BCHE: variants seen among roughly 807,000 people sequenced by gnomAD.
The protein encoded by BCHE is butyrylcholinesterase.
Under a neutral mutation model 51.3 loss-of-function variants are expected in BCHE, and 48 were observed. The ratio of observed to expected loss-of-function variants is 0.94; its 90% confidence interval spans 0.74 to 1.19. The LOEUF (loss-of-function observed/expected upper bound fraction) is 1.19. Among genes scored for constraint, BCHE ranks in the 50% most tolerant of loss-of-function variants. The pLI, the probability that BCHE is intolerant of heterozygous loss-of-function variation, is 0.00. For synonymous variants in BCHE, 251 were observed against 238.0 expected, an observed-to-expected ratio of 1.05 and a Z score of -0.50; for missense variants, 847 against 708.2, an observed-to-expected ratio of 1.20 and a Z score of -2.23.
chr3:165,835,331 T>A (rs1438014599), intron 1 of BCHE, among the ~76,000 whole-genome samples: 4 of 151,990 alleles, frequency 2.6e-5, no homozygotes, highest in South Asian at 4.1e-4. Context: ...TTTTTTGGGA[T>A]ACTTGAATAT....
chr3:165,831,339 T>G (rs1351459394), intron 1 of BCHE, among the ~76,000 whole-genome samples: 1 of 152,172 alleles, frequency 6.6e-6, no homozygotes, highest in Non-Finnish European at 1.5e-5. Context: ...CCTAGCCAAA[T>G]TTAATGTTAC....
At chr3:165,805,446 T>A (rs181678586) in intron 2 of BCHE, among the ~76,000 whole-genome samples, 17 of 151,278 alleles carry the variant, frequency 1.1e-4, no homozygotes, top group Non-Finnish European at 1.9e-4. Context: ...TATAGGTTAC[T>A]AAAGGTTACT....
intron 2 of BCHE, among the ~76,000 whole-genome samples, chr3:165,815,509 C>G (rs1160975783): frequency 6.6e-6 from 1 of 152,018 alleles, no homozygotes; most frequent in Non-Finnish European, 1.5e-5. Flanking sequence ...TTGCTACAAC[C>G]ATGAAAGTGA....
Position 165,830,472 on chromosome 3 carries a change from G to A in BCHE, c.562C>T (p.Pro188Ser). Residue 188 changes from proline to serine, a missense_variant, in exon 2 of 4, where the codon CCT (proline) becomes TCT (serine). Coordinates refer to ENST00000264381, the MANE Select transcript of BCHE (RefSeq NM_000055.4). ...AAACCCATGTTCCCTGGAGCCTCAG[G>A]ATTTCCTGGCAAAGCTAAGAATCCT... ...ALGFLALPGN[P>S]EAPGNMGLFD... 2 of 1,613,676 alleles carry A rather than the reference G, an allele frequency of 1.2e-6. No homozygotes were observed. Among genetic ancestry groups the A allele is most frequent in the South Asian group, 1.1e-5 (1 of 91,064 alleles).
intron 2 of BCHE, among the ~76,000 whole-genome samples, chr3:165,821,267 T>C (rs113138355): frequency 0.023 from 3,449 of 151,962 alleles, 77 homozygotes; most frequent in African/African-American, 0.055. Flanking sequence ...AATTTGGAAA[T>C]TAATTTCTTG....
intron 2 of BCHE, among the ~76,000 whole-genome samples, chr3:165,807,332 C>T (rs1713903465): frequency 1.3e-5 from 2 of 151,690 alleles, no homozygotes; most frequent in Non-Finnish European, 2.9e-5. Flanking sequence ...GTCATATTTT[C>T]TAGAACCTTA....
chr3:165,836,155 T>C (rs1045502570), intron 1 of BCHE, among the ~76,000 whole-genome samples: 1 of 151,776 alleles, frequency 6.6e-6, no homozygotes, highest in African/African-American at 2.4e-5. Flanking sequence ...CAACAAAAAA[T>C]TAGGAGAACA....
At chr3:165,794,750 A>G (rs77878861) in intron 2 of BCHE, among the ~76,000 whole-genome samples, 264 of 151,524 alleles carry the variant, frequency 1.7e-3, no homozygotes, top group African/African-American at 6.2e-3. Context: ...GCAGACAAAC[A>G]TGTGTGTGTG....
At chr3:165,821,645 T>G (rs1051964025) in intron 2 of BCHE, among the ~76,000 whole-genome samples, 3 of 151,980 alleles carry the variant, frequency 2.0e-5, no homozygotes, top group African/African-American at 7.2e-5. Flanking sequence ...TATGGCCATC[T>G]GTATGGCCAC....
At chr3:165,823,501 A>C (rs2108230060) in intron 2 of BCHE, among the ~76,000 whole-genome samples, 1 of 152,246 alleles carries the variant, frequency 6.6e-6, no homozygotes, top group Non-Finnish European at 1.5e-5. Flanking sequence ...AGTTAAGAAA[A>C]GGGGAATGCC....
intron 3 of BCHE, among the ~76,000 whole-genome samples, chr3:165,773,948 T>C (rs562722731): frequency 6.6e-6 from 1 of 152,228 alleles, no homozygotes; most frequent in East Asian, 1.9e-4. Context: ...ACTACAGTCA[T>C]CCTTAGTATT....
intron 1 of BCHE, among the ~76,000 whole-genome samples, chr3:165,832,817 C>CA (rs1419890317): frequency 6.6e-6 from 1 of 151,956 alleles, no homozygotes; most frequent in African/African-American, 2.4e-5. Context: ...TAGATTTTCT[C>CA]AAAGAAAGAG....
rs184954018 is a variant in BCHE, at chr3:165,811,239, G to C, written c.1517+18278C>G. On this transcript the variant is annotated intron_variant, in intron 2 of 3. Coordinates refer to ENST00000264381, the MANE Select transcript of BCHE (RefSeq NM_000055.4). ...ATTAGACCGCTCCATTTTGTAGGCA[G>C]TTAGACTCTTGACAGAAAGGTTAAA... Among the ~76,000 whole-genome samples the C allele has an allele frequency of 1.1e-4, 17 of 152,198 alleles. No individual in the cohort carries two copies. The East Asian group carries it at 2.7e-3, about 24-fold the overall frequency.
At chr3:165,786,024 G>C (rs1712931493) in intron 3 of BCHE, 121 bp downstream of exon 3, 2 of 1,097,820 alleles carry the variant, frequency 1.8e-6, no homozygotes, top group Non-Finnish European at 2.7e-6. Flanking sequence ...ATTAAACCAA[G>C]TTATTTTAAA....
intron 2 of BCHE, among the ~76,000 whole-genome samples, chr3:165,812,621 T>TA (rs202226259): frequency 8.6e-5 from 13 of 151,594 alleles, no homozygotes; most frequent in South Asian, 6.2e-4. Context: ...AATAGAAAAA[T>TA]AAAAAAAAGA....
At chr3:165,815,933 A>G (rs1175983720) in intron 2 of BCHE, among the ~76,000 whole-genome samples, 1 of 151,924 alleles carries the variant, frequency 6.6e-6, no homozygotes, top group Non-Finnish European at 1.5e-5. Context: ...ATGCAATTAG[A>G]CTGTGACCTC....
chr3:165,803,333 G>A (rs1156679364), intron 2 of BCHE, among the ~76,000 whole-genome samples: 1 of 152,010 alleles, frequency 6.6e-6, no homozygotes, highest in African/African-American at 2.4e-5. Context: ...TACATGCTAA[G>A]GAAAATTCTA....
intron 2 of BCHE, among the ~76,000 whole-genome samples, chr3:165,821,092 GCATATACCTCA>G (rs1216966811): frequency 1.3e-5 from 2 of 151,776 alleles, no homozygotes; most frequent in African/African-American, 4.8e-5. Context: ...ATAATAGAAT[GCATATACCTCA>G]CACCTTGTCA....
chr3:165,816,507 A>G (rs1714318354), intron 2 of BCHE, among the ~76,000 whole-genome samples: 1 of 151,902 alleles, frequency 6.6e-6, no homozygotes, highest in Admixed American at 6.6e-5. Flanking sequence ...GAGTTGCCTC[A>G]AATTGCAATT....
Sources: gnomAD v4.1 joint callset for allele counts (sites outside exome capture counted in the v4.1 genomes callset) on GRCh38, gnomAD v4.1.1 for gene constraint, MANE v1.5 for transcripts, NCBI Gene and HGNC (gene_info 2026-07-23, HGNC 2026-07-21) for gene names.